MYLK3: variants seen among roughly 807,000 people sequenced by gnomAD.
MYLK3 encodes the protein MLC kinase.
MYLK3 carries 55 observed loss-of-function variants against 76.3 expected under a neutral mutation model. The ratio of observed to expected loss-of-function variants is 0.72; its 90% confidence interval spans 0.58 to 0.90. The LOEUF (loss-of-function observed/expected upper bound fraction) is 0.90, where lower values mean the gene tolerates loss of function less well. Ranked by LOEUF, MYLK3 falls within the 40% of genes least tolerant of loss-of-function variation. The probability of loss-of-function intolerance (pLI) is 0.00; values close to 1 mark genes in which losing one functional copy is unlikely to be tolerated. For missense variants in MYLK3, 973 were observed against 1,053.6 expected, an observed-to-expected ratio of 0.92 and a Z score of 1.06; for synonymous variants, 416 against 425.4, an observed-to-expected ratio of 0.98 and a Z score of 0.27.
chr16:46,752,996 C>T (rs559548556), upstream of MYLK3, among the ~76,000 whole-genome samples: 1 of 152,280 alleles, frequency 6.6e-6, no homozygotes, highest in South Asian at 2.1e-4. Flanking sequence ...AAATAAATAC[C>T]CACCCGCAAC....
At chr16:46,726,697 G>GAAAGAAAGAAAC (rs1966842065) in intron 8 of MYLK3, 5 of 132,956 alleles carry the variant, frequency 3.8e-5, no homozygotes, top group Non-Finnish European at 8.0e-5. Context: ...AAGAAAGAAA[G>GAAAGAAAGAAAC]AAAGAAAGAA....
In MYLK3 at chr16:46,702,892, G is replaced by T. The variant is rs182867296; in HGVS notation, c.*4812C>A. Among the ~76,000 whole-genome samples, 14 of 145,246 alleles carry T rather than the reference G, an allele frequency of 9.6e-5. No homozygotes were observed. The highest frequency in any genetic ancestry group is 7.5e-3 in the Middle Eastern group (2 of 268). Reference sequence around the variant, plus strand: ...GCCAAGATTGCGCCACTGCACTCCAGCCTGGCAACAGAGTGAGACTCCATC... The same window carrying T: ...GCCAAGATTGCGCCACTGCACTCCATCCTGGCAACAGAGTGAGACTCCATC... On this transcript the variant is annotated 3_prime_UTR_variant, in exon 13 of 13. Coordinates refer to ENST00000394809, the MANE Select transcript of MYLK3 (RefSeq NM_182493.3).
upstream of MYLK3, among the ~76,000 whole-genome samples, chr16:46,752,504 C>G (rs776626666): frequency 6.6e-6 from 1 of 152,148 alleles, no homozygotes; most frequent in African/African-American, 2.4e-5. Flanking sequence ...ATGTAACAAA[C>G]TTGCACATGT....
chr16:46,749,582 C>A (rs745453296), upstream of MYLK3, among the ~76,000 whole-genome samples: 2 of 152,150 alleles, frequency 1.3e-5, no homozygotes, highest in African/African-American at 4.8e-5. Flanking sequence ...CATGGCGAGA[C>A]CTGGTCTCTA....
rs1966597071 is a variant in MYLK3, at chr16:46,703,572, G to A, written c.*4132C>T. On this transcript the variant is annotated 3_prime_UTR_variant, in exon 13 of 13. Coordinates refer to ENST00000394809, the MANE Select transcript of MYLK3 (RefSeq NM_182493.3). ...TGGAAAAGTCCCATTAGAAATAGTTGACCCAACACAGTTGCAATCAAGTAT... is the reference window on the plus strand; with the variant it reads ...TGGAAAAGTCCCATTAGAAATAGTTAACCCAACACAGTTGCAATCAAGTAT... The A allele has an allele frequency of 6.6e-6, 1 of 152,150 alleles. No individual in the cohort carries two copies. Among genetic ancestry groups the A allele is most frequent in the Non-Finnish European group, 1.5e-5 (1 of 68,042 alleles). The allele number at this position is 152,150 out of a possible 1,614,324, so 9.4% of individuals were successfully genotyped here. A position where few individuals can be genotyped will look rare whatever the true frequency, so the allele number is the denominator to read the frequency against.
intron 9 of MYLK3, among the ~76,000 whole-genome samples, chr16:46,715,744 A>G (rs564331216): frequency 4.6e-5 from 7 of 152,184 alleles, no homozygotes; most frequent in Non-Finnish European, 8.8e-5. Context: ...AGATCCTGAT[A>G]TCAGAGAATT....
chr16:46,755,458 CAA>C (rs764545267), intron 1 of MYLK3, among the ~76,000 whole-genome samples: 18 of 87,270 alleles, frequency 2.1e-4, no homozygotes, highest in Non-Finnish European at 2.1e-4. Context: ...AACTCTGTCT[CAA>C]AAAAAAAAAA....
At chr16:46,716,448 T>A (rs1006661576) in intron 9 of MYLK3, among the ~76,000 whole-genome samples, 1 of 151,890 alleles carries the variant, frequency 6.6e-6, no homozygotes, top group African/African-American at 2.4e-5. Flanking sequence ...TGTATGTATG[T>A]GTATATATAT....
At position 46,727,394 on chromosome 16, in the gene MYLK3, A is replaced by G; in HGVS notation, c.1773-17T>C. ...CCGTCCACGCTGCCAGAGCAAAGGGAGAGGCAGGCACCAGCCTAAGCAAGG... is the reference window on the plus strand; with the variant it reads ...CCGTCCACGCTGCCAGAGCAAAGGGGGAGGCAGGCACCAGCCTAAGCAAGG... On this transcript the variant is annotated splice_polypyrimidine_tract_variant and intron_variant, in intron 7 of 12. Transcript: ENST00000394809. The G allele has an allele frequency of 6.3e-7, 1 of 1,597,328 alleles. No individual in the cohort carries two copies. The highest frequency in any genetic ancestry group is 8.6e-7 in the Non-Finnish European group (1 of 1,167,344).
At position 46,747,960 on chromosome 16, in the gene MYLK3, A is replaced by G. The variant is rs548409834; in HGVS notation, c.234T>C (p.Ala78=). The G allele has an allele frequency of 4.2e-5, 68 of 1,613,162 alleles. No individual in the cohort carries two copies. The East Asian group carries it at 1.4e-3, about 34-fold the overall frequency. Residue 78 remains alanine (A), a synonymous_variant, in exon 1 of 13, where the codon GCT becomes GCC. Transcript: ENST00000394809. The part of the protein sequence containing the change: ...EASRAPGPGG[A]DGVPHIDTQA... Reference sequence around the variant, plus strand: ...GGGTGTCAATGTGGGGAACCCCATCAGCCCCGCCCGGGCCCGGTGCCCGGG... The same window carrying G: ...GGGTGTCAATGTGGGGAACCCCATCGGCCCCGCCCGGGCCCGGTGCCCGGG...
chr16:46,754,322 A>G (rs1967169575), intron 1 of MYLK3, among the ~76,000 whole-genome samples: 1 of 152,158 alleles, frequency 6.6e-6, no homozygotes, highest in Admixed American at 6.5e-5. Flanking sequence ...AGAAAAAAAA[A>G]AAACACATAC....
intron 1 of MYLK3, chr16:46,763,028 G>A: frequency 8.1e-6 from 8 of 985,450 alleles, no homozygotes; most frequent in Non-Finnish European, 8.4e-6. Flanking sequence ...GTTTATCACT[G>A]CACTTACATA....
chr16:46,746,000 T>A (rs954239371), intron 1 of MYLK3, among the ~76,000 whole-genome samples: 3 of 152,136 alleles, frequency 2.0e-5, no homozygotes, highest in African/African-American at 7.2e-5. Flanking sequence ...TTTTTTACTA[T>A]GTGCATATTA....
intron 9 of MYLK3, among the ~76,000 whole-genome samples, chr16:46,719,103 C>T (rs373362325): frequency 4.0e-5 from 6 of 151,696 alleles, no homozygotes; most frequent in South Asian, 4.2e-4. Context: ...GCCAGGCAGG[C>T]GGATCACGAC....
rs528251371 is a variant in MYLK3 at position 46,761,636 on chromosome 16, G to T, written c.-114+1404C>A. On this transcript the variant is annotated intron_variant, in intron 1 of 11. Transcript: ENST00000536476. The stretch of plus-strand genomic sequence containing the variant: ...GTTCGAGACCAGCCTGGCCAACATG[G>T]CGAAACCCGGTCTCTACTAAAAAAT... 3.9e-5 allele frequency among the ~76,000 whole-genome samples: 6 copies of T among 152,018 alleles called. No homozygotes were observed. In the South Asian group the frequency reaches 1.2e-3, roughly 32 times the overall value.
intron 9 of MYLK3, among the ~76,000 whole-genome samples, chr16:46,714,410 C>T (rs1966715976): frequency 6.6e-6 from 1 of 152,168 alleles, no homozygotes; most frequent in African/African-American, 2.4e-5. Context: ...CAGACAAAGA[C>T]TCAGCGCCAA....
At chr16:46,742,447 A>ACACACACACACACACAC (rs1555471290) in intron 1 of MYLK3, among the ~76,000 whole-genome samples, 66 of 131,182 alleles carry the variant, frequency 5.0e-4, no homozygotes, top group East Asian at 4.1e-3. Flanking sequence ...TCCCAGCAAA[A>ACACACACACACACACAC]ACACACACAC....
At chr16:46,761,134 C>T (rs999548970) in intron 1 of MYLK3, among the ~76,000 whole-genome samples, 1 of 152,128 alleles carries the variant, frequency 6.6e-6, no homozygotes, top group Non-Finnish European at 1.5e-5. Flanking sequence ...ATGGGCAAGA[C>T]TTGGAAGGCT....
At chr16:46,756,008 A>T (rs568766795) in intron 1 of MYLK3, among the ~76,000 whole-genome samples, 1 of 149,924 alleles carries the variant, frequency 6.7e-6, no homozygotes, top group African/African-American at 2.5e-5. Context: ...CCCGGGTTCA[A>T]GCAATTCTCC....
Sources: gnomAD v4.1 joint callset for allele counts (sites outside exome capture counted in the v4.1 genomes callset) on GRCh38, gnomAD v4.1.1 for gene constraint, MANE v1.5 for transcripts, NCBI Gene and HGNC (gene_info 2026-07-23, HGNC 2026-07-21) for gene names.